AFF3: variants seen among roughly 807,000 people sequenced by gnomAD.
AFF3 encodes ALF transcription elongation factor 3.
A neutral mutation model predicts 129.7 loss-of-function variants in AFF3; 32 were observed. That is an observed-to-expected ratio of 0.25 (90% confidence interval 0.19 to 0.33). The LOEUF is 0.33. Ranked by LOEUF, AFF3 falls within the 10% of genes least tolerant of loss-of-function variation. The pLI is 1.00. For missense variants in AFF3, 1,373 were observed against 1,592.0 expected, an observed-to-expected ratio of 0.86 and a Z score of 2.34; for synonymous variants, 644 against 635.4, an observed-to-expected ratio of 1.01 and a Z score of -0.20.
intron 7 of AFF3, among the ~76,000 whole-genome samples, chr2:99,916,024 G>A (rs1165089637): frequency 2.6e-5 from 4 of 152,248 alleles, no homozygotes; most frequent in Non-Finnish European, 5.9e-5. Flanking sequence ...ACTTATCAAA[G>A]GAACCTAAAG....
At chr2:99,766,034 C>A (rs773454724) in intron 8 of AFF3, among the ~76,000 whole-genome samples, 21 of 152,214 alleles carry the variant, frequency 1.4e-4, no homozygotes, top group Non-Finnish European at 2.5e-4. Context: ...ACTACCCTTG[C>A]AGGCACCAGC....
intron 8 of AFF3, among the ~76,000 whole-genome samples, chr2:99,760,545 C>A (rs990174300): frequency 6.6e-6 from 1 of 152,194 alleles, no homozygotes; most frequent in African/African-American, 2.4e-5. Flanking sequence ...TATTTTATCA[C>A]TGAGAAACAA....
chr2:99,785,558 G>A (rs966558903), intron 8 of AFF3, among the ~76,000 whole-genome samples: 1 of 151,986 alleles, frequency 6.6e-6, no homozygotes, highest in African/African-American at 2.4e-5. Flanking sequence ...ACAATAAAAG[G>A]GGGACATTTT....
chr2:99,840,527 G>T (rs1466088173), intron 7 of AFF3, among the ~76,000 whole-genome samples: 1 of 152,182 alleles, frequency 6.6e-6, no homozygotes, highest in Non-Finnish European at 1.5e-5. Flanking sequence ...ATCCTTATAA[G>T]CCAAGAAAAA....
At chr2:99,830,664 T>C (rs1277382935) in intron 8 of AFF3, among the ~76,000 whole-genome samples, 3 of 152,114 alleles carry the variant, frequency 2.0e-5, no homozygotes, top group South Asian at 2.1e-4. Context: ...GGCAGGAGAA[T>C]TGCTTGAACC....
intron 7 of AFF3, among the ~76,000 whole-genome samples, chr2:99,937,949 T>A (rs1674677747): frequency 6.6e-6 from 1 of 152,180 alleles, no homozygotes; most frequent in Non-Finnish European, 1.5e-5. Flanking sequence ...TTGATTCTTT[T>A]AATACTGGTA....
At chr2:99,556,858 G>T (rs1575339692) in intron 22 of AFF3, among the ~76,000 whole-genome samples, 1 of 151,800 alleles carries the variant, frequency 6.6e-6, no homozygotes, top group African/African-American at 2.4e-5. Context: ...GGAATTCACA[G>T]CTGCAGTGAG....
chr2:99,577,013 G>A (rs1321809804), intron 18 of AFF3, among the ~76,000 whole-genome samples: 1 of 151,986 alleles, frequency 6.6e-6, no homozygotes, highest in Non-Finnish European at 1.5e-5. Flanking sequence ...GTGTGGGGTG[G>A]GACGCAGCTG....
intron 4 of AFF3, among the ~76,000 whole-genome samples, chr2:100,022,496 C>T (rs946176222): frequency 4.6e-5 from 7 of 151,676 alleles, no homozygotes; most frequent in African/African-American, 7.3e-5. Context: ...CTGTGACCTC[C>T]GCCTTCCGGG....
intron 11 of AFF3, among the ~76,000 whole-genome samples, chr2:99,718,843 C>T (rs909429750): frequency 4.0e-5 from 6 of 151,748 alleles, no homozygotes; most frequent in Non-Finnish European, 7.4e-5. Flanking sequence ...CTCTGCCTCC[C>T]GGGTTCATGC....
At chr2:99,839,576 CATT>C (rs778912393) in intron 7 of AFF3, among the ~76,000 whole-genome samples, 20 of 149,866 alleles carry the variant, frequency 1.3e-4, no homozygotes, top group Non-Finnish European at 2.4e-4. Flanking sequence ...AATGATGTCT[CATT>C]GTGGCTTTGA....
intron 7 of AFF3, among the ~76,000 whole-genome samples, chr2:99,946,374 T>C (rs1238664512): frequency 6.8e-6 from 1 of 147,538 alleles, no homozygotes; most frequent in Non-Finnish European, 1.5e-5. Flanking sequence ...CTTGGGAGGC[T>C]GAGGCAGGAG....
At chr2:100,001,250 C>T (rs1398038545) in intron 7 of AFF3, among the ~76,000 whole-genome samples, 6 of 152,132 alleles carry the variant, frequency 3.9e-5, no homozygotes, top group African/African-American at 1.4e-4. Flanking sequence ...GAAAACTTGG[C>T]TTAATGATAT....
At chr2:99,669,518 C>T (rs887759839) in intron 12 of AFF3, among the ~76,000 whole-genome samples, 19 of 152,130 alleles carry the variant, frequency 1.2e-4, no homozygotes, top group African/African-American at 4.1e-4. Flanking sequence ...AGCAAAATTA[C>T]ACTATGGTGT....
chr2:99,928,934 C>A (rs191708212), intron 7 of AFF3, among the ~76,000 whole-genome samples: 2 of 152,200 alleles, frequency 1.3e-5, no homozygotes, highest in African/African-American at 2.4e-5. Context: ...CAGCAGTGTG[C>A]GACTCACACA....
intron 7 of AFF3, among the ~76,000 whole-genome samples, chr2:99,909,814 A>G (rs760803785): frequency 1.4e-4 from 21 of 152,140 alleles, no homozygotes; most frequent in Non-Finnish European, 7.4e-5. Flanking sequence ...CAATATGATC[A>G]GCTTTCTACT....
chr2:99,946,819 C>T (rs151040253), intron 7 of AFF3, among the ~76,000 whole-genome samples: 2 of 152,300 alleles, frequency 1.3e-5, no homozygotes, highest in African/African-American at 2.4e-5. Context: ...GTATCTCAGA[C>T]ATCTCTGCAT....
Position 99,641,940 on chromosome 2 carries a change from A to T in AFF3, c.1184+7686T>A, listed in dbSNP as rs1348164600. On this transcript the variant is annotated intron_variant, in intron 13 of 24. Transcript: ENST00000672756. ...CTACATGTCCTCTACCACACTGTAG[A>T]TTCCCTGCGAGTGGAATCCTTGGGT... Among the ~76,000 whole-genome samples, 6 of 152,316 alleles carry T rather than the reference A, an allele frequency of 3.9e-5. No homozygotes were observed. In the East Asian group the frequency reaches 1.2e-3, roughly 29 times the overall value.
chr2:99,720,486 G>A (rs1466799885), intron 11 of AFF3, among the ~76,000 whole-genome samples: 1 of 152,126 alleles, frequency 6.6e-6, no homozygotes, highest in Non-Finnish European at 1.5e-5. Flanking sequence ...GTCCTCACCA[G>A]AAGCCAAGCA....
Sources: gnomAD v4.1 joint callset for allele counts (sites outside exome capture counted in the v4.1 genomes callset) on GRCh38, gnomAD v4.1.1 for gene constraint, MANE v1.5 for transcripts, NCBI Gene and HGNC (gene_info 2026-07-23, HGNC 2026-07-21) for gene names.